The following CTNNA2 variants were observed in gnomAD, a reference collection of about 807,000 sequenced individuals.
CTNNA2 encodes the protein catenin alpha 2, also known as catenin alpha-2.
Under a neutral mutation model 101.0 loss-of-function variants are expected in CTNNA2, and 42 were observed. That is an observed-to-expected ratio of 0.42 (90% confidence interval 0.32 to 0.54). The LOEUF (loss-of-function observed/expected upper bound fraction) is 0.54, where lower values mean the gene tolerates loss of function less well. Among genes scored for constraint, CTNNA2 ranks in the 20% least tolerant of loss-of-function variants. CTNNA2 has a pLI of 0.14. For missense variants in CTNNA2, 871 were observed against 1,223.1 expected (o/e 0.71, Z 4.29); for synonymous variants, 450 against 456.4 (o/e 0.99, Z 0.18).
At chr2:79,918,092 T>C (rs1489796577) in intron 7 of CTNNA2, among the ~76,000 whole-genome samples, 1 of 145,622 alleles carries the variant, frequency 6.9e-6, no homozygotes. Context: ...TTCATTGCGG[T>C]GAAAAAACAG....
intron 7 of CTNNA2, among the ~76,000 whole-genome samples, chr2:79,925,200 G>A (rs1410060464): frequency 1.3e-5 from 2 of 151,904 alleles, no homozygotes; most frequent in East Asian, 1.9e-4. Flanking sequence ...TCTTTTGTAC[G>A]ATTGCTGTTT....
chr2:79,911,152 G>T (rs1451128933), intron 7 of CTNNA2, among the ~76,000 whole-genome samples: 1 of 152,220 alleles, frequency 6.6e-6, no homozygotes, highest in African/African-American at 2.4e-5. Context: ...AGCTAGAAAT[G>T]TTGACCCCAC....
At chr2:79,785,429 G>C (rs181310320) in intron 3 of CTNNA2, among the ~76,000 whole-genome samples, 1 of 152,206 alleles carries the variant, frequency 6.6e-6, no homozygotes, top group Admixed American at 6.5e-5. Flanking sequence ...ATGCATTTAG[G>C]ATTTTCTCCC....
intron 7 of CTNNA2, among the ~76,000 whole-genome samples, chr2:80,263,636 A>G (rs1215282747): frequency 6.6e-6 from 1 of 152,174 alleles, no homozygotes; most frequent in Non-Finnish European, 1.5e-5. Context: ...GCACCCGGCC[A>G]TGTGTAGCAA....
chr2:80,036,594 G>GCA (rs1695666399), intron 7 of CTNNA2, among the ~76,000 whole-genome samples: 1 of 152,076 alleles, frequency 6.6e-6, no homozygotes, highest in Non-Finnish European at 1.5e-5. Context: ...AACAGAGTGA[G>GCA]ACCCTGTCTT....
intron 7 of CTNNA2, among the ~76,000 whole-genome samples, chr2:80,318,944 T>G (rs1487191267): frequency 6.6e-6 from 1 of 152,200 alleles, no homozygotes; most frequent in Non-Finnish European, 1.5e-5. Context: ...GAAGAGGTTT[T>G]AGTGTATGTT....
chr2:80,210,780 G>A (rs1025147295), intron 7 of CTNNA2, among the ~76,000 whole-genome samples: 5 of 152,152 alleles, frequency 3.3e-5, no homozygotes, highest in African/African-American at 1.2e-4. Flanking sequence ...AGATCGTTGA[G>A]GAATCGCCAC....
intron 7 of CTNNA2, among the ~76,000 whole-genome samples, chr2:80,042,131 A>G (rs571390286): frequency 1.3e-5 from 2 of 152,182 alleles, no homozygotes; most frequent in South Asian, 2.1e-4. Context: ...TGCCTGGCTA[A>G]TTTTTGTATT....
chr2:80,516,157 G>A (rs894732711), intron 9 of CTNNA2, among the ~76,000 whole-genome samples: 1 of 152,186 alleles, frequency 6.6e-6, no homozygotes, highest in Non-Finnish European at 1.5e-5. Flanking sequence ...AAGGGGATGT[G>A]CTCAGGAAAG....
chr2:79,348,792 C>T (rs1160811195), intron 3 of CTNNA2, among the ~76,000 whole-genome samples: 1 of 152,164 alleles, frequency 6.6e-6, no homozygotes, highest in Non-Finnish European at 1.5e-5. Context: ...GCAGTCTTTA[C>T]TAGGTCTTTT....
At chr2:80,344,572 T>A (rs7340514) in intron 7 of CTNNA2, among the ~76,000 whole-genome samples, 58,092 of 151,978 alleles carry the variant, frequency 0.38, 13,889 homozygotes, top group African/African-American at 0.69. Flanking sequence ...GAAGCCTCGA[T>A]CTCCCAGGCA....
chr2:80,571,824 T>A (rs564704465), intron 12 of CTNNA2, among the ~76,000 whole-genome samples: 1 of 152,266 alleles, frequency 6.6e-6, no homozygotes, highest in East Asian at 1.9e-4. Flanking sequence ...AGGGCTGGGG[T>A]AGAGCCTGTA....
At chr2:79,422,061 G>A (rs1271099760) in intron 4 of CTNNA2, among the ~76,000 whole-genome samples, 1 of 152,142 alleles carries the variant, frequency 6.6e-6, no homozygotes, top group Non-Finnish European at 1.5e-5. Flanking sequence ...GCTGAGGCAG[G>A]AGAATCGCTT....
chr2:80,292,148 T>C (rs1675317612), intron 7 of CTNNA2, among the ~76,000 whole-genome samples: 1 of 152,222 alleles, frequency 6.6e-6, no homozygotes, highest in African/African-American at 2.4e-5. Context: ...TATGTGACCT[T>C]GTTTTGTTCA....
intron 18 of CTNNA2, among the ~76,000 whole-genome samples, chr2:80,641,792 A>G (rs1673521152): frequency 6.6e-6 from 1 of 150,802 alleles, no homozygotes; most frequent in Non-Finnish European, 1.5e-5. Context: ...TAGATTATTA[A>G]AAGGATATTA....
intron 3 of CTNNA2, among the ~76,000 whole-genome samples, chr2:79,323,665 C>A (rs771534382): frequency 7.2e-5 from 11 of 152,280 alleles, no homozygotes; most frequent in Middle Eastern, 3.4e-3. Flanking sequence ...TCAATTGAAT[C>A]TGTTGGTTCT....
At chr2:79,257,054 C>T (rs750660217) in intron 2 of CTNNA2, among the ~76,000 whole-genome samples, 15 of 152,006 alleles carry the variant, frequency 9.9e-5, no homozygotes, top group Non-Finnish European at 1.9e-4. Flanking sequence ...GGAGGATAAG[C>T]GGAGATGACA....
chr2:79,902,356 C>G (rs995347629), intron 6 of CTNNA2, among the ~76,000 whole-genome samples: 1 of 152,180 alleles, frequency 6.6e-6, no homozygotes, highest in East Asian at 1.9e-4. Context: ...GAACACATTT[C>G]TTGCTACATC....
At chr2:79,401,758 A>G (rs1276659298) in intron 4 of CTNNA2, among the ~76,000 whole-genome samples, 1 of 151,680 alleles carries the variant, frequency 6.6e-6, no homozygotes, top group Non-Finnish European at 1.5e-5. Flanking sequence ...TGACTACCCT[A>G]TCCATAATTA....
Sources: allele counts gnomAD v4.1 joint callset (sites outside exome capture counted in the v4.1 genomes callset), GRCh38; gene constraint gnomAD v4.1.1; transcripts MANE v1.5; gene names NCBI Gene and HGNC (gene_info 2026-07-23, HGNC 2026-07-21).